The following PLN variants were observed in gnomAD, a reference collection of about 807,000 sequenced individuals.
The protein encoded by PLN is phospholamban.
Under a neutral mutation model 3.9 loss-of-function variants are expected in PLN, and 1 was observed. That is an observed-to-expected ratio of 0.26 (90% CI 0.09 to 1.23). The LOEUF is 1.23. Among genes scored for constraint, PLN ranks in the 50% most tolerant of loss-of-function variants. The probability of loss-of-function intolerance (pLI) is 0.48; values close to 1 mark genes in which losing one functional copy is unlikely to be tolerated. For missense variants in PLN, 59 were observed against 62.7 expected (o/e 0.94, Z 0.20); for synonymous variants, 21 against 20.5 (o/e 1.02, Z -0.07).
chr6:118,556,861 C>G (rs941716566), intron 1 of PLN, among the ~76,000 whole-genome samples: 8 of 152,128 alleles, frequency 5.3e-5, no homozygotes, highest in African/African-American at 1.9e-4. Context: ...TATCTCTGGA[C>G]AGTTAATACA....
chr6:118,555,401 C>G (rs2114950117), intron 1 of PLN, among the ~76,000 whole-genome samples: 2 of 140,322 alleles, frequency 1.4e-5, no homozygotes, highest in African/African-American at 5.4e-5. Flanking sequence ...GCACTCCAGC[C>G]TGGGCAACAC....
intron 1 of PLN, among the ~76,000 whole-genome samples, chr6:118,554,558 C>T (rs891502512): frequency 9.9e-5 from 15 of 152,174 alleles, no homozygotes; most frequent in Non-Finnish European, 5.9e-5. Context: ...TACTAGGATA[C>T]TAAATAAACA....
intron 1 of PLN, among the ~76,000 whole-genome samples, chr6:118,549,537 C>A (rs1778413336): frequency 6.6e-6 from 1 of 151,644 alleles, no homozygotes; most frequent in Non-Finnish European, 1.5e-5. Context: ...AATGTTAATT[C>A]TATTGCTCAC....
At chr6:118,558,660 C>CACACAG (rs1318088942) in intron 1 of PLN, among the ~76,000 whole-genome samples, 165 bp from the exon 2 acceptor site, 3 of 122,214 alleles carry the variant, frequency 2.5e-5, no homozygotes, top group African/African-American at 3.2e-5. Flanking sequence ...CACACACACA[C>CACACAG]AGAGAGAGAG....
chr6:118,550,155 G>GC (rs1458279649), intron 1 of PLN, among the ~76,000 whole-genome samples: 16 of 151,840 alleles, frequency 1.1e-4, no homozygotes, highest in African/African-American at 3.6e-4. Context: ...TTACTAAAAG[G>GC]CGTGACAGCA....
rs1779086598 is a variant in PLN, at chr6:118,559,219, A to T, written c.*139A>T. ...TCTTTGTGAAAAGGTCAAGATTAAGACTAAAACTTATTGTTACCATATGTA... is the reference window on the plus strand; with the variant it reads ...TCTTTGTGAAAAGGTCAAGATTAAGTCTAAAACTTATTGTTACCATATGTA... On this transcript the variant is annotated 3_prime_UTR_variant, in exon 2 of 2. Coordinates refer to ENST00000357525, the MANE Select transcript of PLN (RefSeq NM_002667.5). 1.3e-6 allele frequency: 1 copy of T among 768,400 alleles called. No homozygotes were observed. Among genetic ancestry groups the T allele is most frequent in the Admixed American group, 1.8e-5 (1 of 55,096 alleles). 47.6% of individuals were successfully genotyped at this position (768,400 alleles called of 1,614,324 possible). A position where few individuals can be genotyped will look rare whatever the true frequency, so the allele number is the denominator to read the frequency against.
intron 1 of PLN, among the ~76,000 whole-genome samples, chr6:118,555,203 G>A (rs1583036861): frequency 2.0e-5 from 3 of 152,094 alleles, no homozygotes; most frequent in South Asian, 2.1e-4. Context: ...AGGCCGAGGC[G>A]GGTGGATCAC....
At chr6:118,558,386 T>G (rs1030935828) in intron 1 of PLN, among the ~76,000 whole-genome samples, 20 of 152,156 alleles carry the variant, frequency 1.3e-4, no homozygotes, top group Admixed American at 1.3e-3. Context: ...TATAGGAACT[T>G]AACTCTTGTT....
intron 1 of PLN, among the ~76,000 whole-genome samples, chr6:118,550,455 G>A (rs1034012316): frequency 6.6e-6 from 1 of 151,768 alleles, no homozygotes; most frequent in Non-Finnish European, 1.5e-5. Flanking sequence ...TCCCAGAAAT[G>A]AGGAGGGCCA....
chr6:118,557,689 A>AT (rs1208944277), intron 1 of PLN, among the ~76,000 whole-genome samples: 1 of 152,170 alleles, frequency 6.6e-6, no homozygotes, highest in Non-Finnish European at 1.5e-5. Context: ...CCAAACCAGA[A>AT]TAAGAGGGTT....
At chr6:118,556,069 G>A (rs903842924) in intron 1 of PLN, among the ~76,000 whole-genome samples, 2 of 152,096 alleles carry the variant, frequency 1.3e-5, no homozygotes, top group African/African-American at 4.8e-5. Flanking sequence ...CACTTAGGCC[G>A]GTTCATGTCT....
In PLN at chr6:118,560,417, G is replaced by A. The variant is rs41291942; in HGVS notation, c.*1337G>A. On this transcript the variant is annotated 3_prime_UTR_variant, in exon 2 of 2. Coordinates refer to ENST00000357525, the MANE Select transcript of PLN (RefSeq NM_002667.5). ...ATTTACTATTCATTAAATGGAAGTG[G>A]GTCAACATAAAAGTCTTCATTCTCA... 41 of 166,986 alleles carry A rather than the reference G, an allele frequency of 2.5e-4. No homozygotes were observed. Among genetic ancestry groups the A allele is most frequent in the Non-Finnish European group, 4.6e-4 (31 of 68,086 alleles). 10.3% of individuals were successfully genotyped at this position (166,986 alleles called of 1,614,324 possible).
intron 1 of PLN, among the ~76,000 whole-genome samples, chr6:118,553,182 G>T (rs9489437): frequency 0.69 from 101,651 of 148,340 alleles, 35,274 homozygotes; most frequent in Middle Eastern, 0.74. Context: ...CATCGAAAAA[G>T]TACTCTATTA....
At chr6:118,552,775 T>C (rs1207255541) in intron 1 of PLN, among the ~76,000 whole-genome samples, 1 of 151,988 alleles carries the variant, frequency 6.6e-6, no homozygotes, top group African/African-American at 2.4e-5. Context: ...CTCATTCCCC[T>C]AAAAAGTAGA....
rs112551087 is a variant in PLN at position 118,558,664 on chromosome 6, G to C, written c.-97-161G>C. Reference sequence around the variant, plus strand: ...ACACACACACACACACACACACAGAGAGAGAGAGAGAGAGAGAGAGAGAGG... The same window carrying C: ...ACACACACACACACACACACACAGACAGAGAGAGAGAGAGAGAGAGAGAGG... On this transcript the variant is annotated intron_variant, in intron 1 of 1. Coordinates refer to ENST00000357525, the MANE Select transcript of PLN (RefSeq NM_002667.5). 0.36 allele frequency among the ~76,000 whole-genome samples: 43,883 copies of C among 120,542 alleles called. 7,386 individuals carry two copies. Among genetic ancestry groups the C allele is most frequent in the Middle Eastern group, 0.5 (102 of 206 alleles). 79.1% of individuals were successfully genotyped at this position (120,542 alleles called of 152,430 possible).
At chr6:118,553,068 T>C (rs1271351477) in intron 1 of PLN, among the ~76,000 whole-genome samples, 2 of 152,128 alleles carry the variant, frequency 1.3e-5, no homozygotes, top group African/African-American at 4.8e-5. Context: ...TTAGGCCATA[T>C]ACAAGTTCAG....
chr6:118,553,891 T>C (rs930176969), intron 1 of PLN, among the ~76,000 whole-genome samples: 1 of 152,232 alleles, frequency 6.6e-6, no homozygotes. Flanking sequence ...AAGCCTCATT[T>C]TTCTCACCTG....
rs1298475579 is a variant in PLN, at chr6:118,560,432, CTTCA to C, written c.*1356_*1359del. The C allele has an allele frequency of 6.0e-6, 1 of 166,780 alleles. No individual in the cohort carries two copies. The highest frequency in any genetic ancestry group is 2.4e-5 in the African/African-American group (1 of 41,348). The allele number at this position is 166,780 out of a possible 1,614,324, so 10.3% of individuals were successfully genotyped here. A position where few individuals can be genotyped will look rare whatever the true frequency, so the allele number is the denominator to read the frequency against. ...AATGGAAGTGGGTCAACATAAAAGT[CTTCA>C]TTCTCATTGTCTTCACATTGAGTAG... is the stretch of plus-strand genomic sequence containing the variant. On this transcript the variant is annotated 3_prime_UTR_variant, in exon 2 of 2. Coordinates refer to ENST00000357525, the MANE Select transcript of PLN (RefSeq NM_002667.5).
intron 1 of PLN, among the ~76,000 whole-genome samples, chr6:118,558,415 G>T (rs1007229197): frequency 6.6e-6 from 1 of 152,062 alleles, no homozygotes; most frequent in African/African-American, 2.4e-5. Context: ...TCAGCCTAGG[G>T]TAAAAATGGT....
Sources: allele counts gnomAD v4.1 joint callset (sites outside exome capture counted in the v4.1 genomes callset), GRCh38; gene constraint gnomAD v4.1.1; transcripts MANE v1.5; gene names NCBI Gene and HGNC (gene_info 2026-07-23, HGNC 2026-07-21).